The following PSEN2 variants were observed in gnomAD, a reference collection of about 807,000 sequenced individuals.
PSEN2 encodes the protein presenilin 2.
A neutral mutation model predicts 49.1 loss-of-function variants in PSEN2; 32 were observed. That is an observed-to-expected ratio of 0.65 (90% CI 0.49 to 0.88). The LOEUF (loss-of-function observed/expected upper bound fraction) is 0.88. PSEN2 is among the 40% of genes least tolerant of loss of function. The probability of loss-of-function intolerance (pLI) is 0.00; values close to 1 mark genes in which losing one functional copy is unlikely to be tolerated. For missense variants in PSEN2, 522 were observed against 586.9 expected (o/e 0.89, Z 1.14); for synonymous variants, 255 against 244.0 (o/e 1.05, Z -0.42).
chr1:226,878,988 G>A (rs1272257390), intron 3 of PSEN2, among the ~76,000 whole-genome samples: 1 of 152,124 alleles, frequency 6.6e-6, no homozygotes, highest in African/African-American at 2.4e-5. Context: ...ATCTAGTGAG[G>A]CTGAGCCAGA....
At chr1:226,897,288 T>C (rs1662182704), downstream of PSEN2, among the ~76,000 whole-genome samples, 1 of 152,190 alleles carries the variant, frequency 6.6e-6, no homozygotes, top group South Asian at 2.1e-4. Context: ...TTTCCAAAGA[T>C]GGGATTGGAC....
rs1357215918 is a variant in PSEN2, at chr1:226,891,812, A to C, written c.1040A>C (p.Tyr347Ser). Residue 347 changes from tyrosine to serine, a missense_variant, in exon 11 of 13, where the codon TAC (tyrosine) becomes TCC (serine). Coordinates refer to ENST00000366783, the MANE Select transcript of PSEN2 (RefSeq NM_000447.3). ...GTCTTTGAGCCTCCCTTGACTGGCT[A>C]CCCAGGGGAGGAGCTGGAGGAAGAG... ...PEVFEPPLTGYPGEELEEEEE... is the reference protein window; with the variant it reads ...PEVFEPPLTGSPGEELEEEEE... 1 of 1,613,978 alleles carries C rather than the reference A, an allele frequency of 6.2e-7. No individual in the cohort carries two copies. Among genetic ancestry groups the C allele is most frequent in the East Asian group, 2.2e-5 (1 of 44,892 alleles).
intron 3 of PSEN2, among the ~76,000 whole-genome samples, chr1:226,880,000 A>G (rs376721586): frequency 9.5e-4 from 144 of 152,338 alleles, no homozygotes; most frequent in African/African-American, 2.8e-3. Context: ...TGCTGTCTTC[A>G]GAAAGAAGGG....
At chr1:226,891,398 G>A in intron 10 of PSEN2, 37 bp downstream of exon 10, 12 of 1,558,096 alleles carry the variant, frequency 7.7e-6, no homozygotes, top group Non-Finnish European at 9.6e-6. Flanking sequence ...TCTCATCACT[G>A]GGGGGCAGCT....
At chr1:226,898,515 A>G (rs1237912073), downstream of PSEN2, 1 of 152,218 alleles carries the variant, frequency 6.6e-6, no homozygotes, top group Admixed American at 6.5e-5. Context: ...TGGTGTCATC[A>G]GACTTTTCAT....
At chr1:226,901,434 CA>C (rs71179182), downstream of PSEN2, among the ~76,000 whole-genome samples, 35,496 of 117,530 alleles carry the variant, frequency 0.3, 4,629 homozygotes, top group East Asian at 0.56. Flanking sequence ...GAAACTGTCT[CA>C]AAAAAAAAAA....
chr1:226,881,862 C>A, intron 3 of PSEN2, 26 bp from the exon 4 acceptor site: 3 of 1,614,122 alleles, frequency 1.9e-6, no homozygotes, highest in Non-Finnish European at 2.5e-6. Flanking sequence ...GAAAGTGGAA[C>A]AAGGTCCTTG....
At chr1:226,879,811 C>T (rs943726269) in intron 3 of PSEN2, among the ~76,000 whole-genome samples, 6 of 152,210 alleles carry the variant, frequency 3.9e-5, no homozygotes, top group Non-Finnish European at 5.9e-5. Context: ...CTTTGCTTCC[C>T]GCTGTTGTTA....
chr1:226,882,976 TTC>T (rs1661094207), intron 4 of PSEN2, among the ~76,000 whole-genome samples: 1 of 149,758 alleles, frequency 6.7e-6, no homozygotes. Context: ...ATTTGGCTTT[TTC>T]TTTAGCTGTT....
At chr1:226,893,139 C>T (rs947426305) in intron 11 of PSEN2, among the ~76,000 whole-genome samples, 6 of 152,188 alleles carry the variant, frequency 3.9e-5, no homozygotes, top group Admixed American at 6.5e-5. Flanking sequence ...ACTTGTTGCC[C>T]GGGCTGGTTT....
At chr1:226,882,277 G>C (rs1332313745) in intron 4 of PSEN2, among the ~76,000 whole-genome samples, 1 of 152,242 alleles carries the variant, frequency 6.6e-6, no homozygotes, top group Non-Finnish European at 1.5e-5. Flanking sequence ...GAAGGACGCT[G>C]TCCACTCTGC....
intron 10 of PSEN2, 50 bp downstream of exon 10, chr1:226,891,411 C>A (rs753847484): frequency 6.7e-7 from 1 of 1,485,212 alleles, no homozygotes; most frequent in Non-Finnish European, 9.3e-7. Context: ...GGGCAGCTCC[C>A]TACCTGCACC....
intron 4 of PSEN2, among the ~76,000 whole-genome samples, chr1:226,882,405 C>G (rs1661059917): frequency 1.3e-5 from 2 of 152,176 alleles, no homozygotes; most frequent in South Asian, 4.1e-4. Flanking sequence ...GCAGGGGAAG[C>G]ATTTTTTGGC....
intron 12 of PSEN2, among the ~76,000 whole-genome samples, chr1:226,894,650 A>G (rs1385432439): frequency 1.3e-5 from 2 of 152,322 alleles, no homozygotes; most frequent in East Asian, 1.9e-4. Context: ...ACGTGACCAG[A>G]TACACATAAT....
At chr1:226,896,405 TC>T (rs1662150279), downstream of PSEN2, among the ~76,000 whole-genome samples, 1 of 152,198 alleles carries the variant, frequency 6.6e-6, no homozygotes, top group Non-Finnish European at 1.5e-5. Flanking sequence ...ATCCAGTGGT[TC>T]CTTCAGCAAG....
chr1:226,891,766 G>T lies in PSEN2; in HGVS notation c.994G>T (p.Gly332Trp). Residue 332 changes from glycine (G) to tryptophan (W), a missense_variant, in exon 11 of 13, where the codon GGG becomes TGG. Physicochemically the swap from Gly to Trp is radical, Grantham distance 184. Coordinates refer to ENST00000366783, the MANE Select transcript of PSEN2 (RefSeq NM_000447.3). The part of the protein sequence containing the change: ...EMEEDSYDSF[G>W]EPSYPEVFEP... ...AGAAGAAGACTCCTATGACAGTTTT[G>T]GGGAGCCTTCATACCCCGAAGTCTT... The T allele has an allele frequency of 6.2e-7, 1 of 1,614,044 alleles. No individual in the cohort carries two copies. The highest frequency in any genetic ancestry group is 8.5e-7 in the Non-Finnish European group (1 of 1,179,950).
At chr1:226,883,981 G>T in intron 5 of PSEN2, 62 bp downstream of exon 5, 3 of 1,024,922 alleles carry the variant, frequency 2.9e-6, no homozygotes, top group East Asian at 2.9e-5. Context: ...GGGGTGGGGG[G>T]CGCAGCAGCC....
Position 226,894,080 on chromosome 1 carries a change from C to G in PSEN2, c.1146C>G (p.Ser382Arg), listed in dbSNP as rs760432548. ...TGGGCAAGGCGGCTGCCACGGGCAG[C>G]GGGGACTGGAATACCACGCTGGCCT... ...VLVGKAAATGSGDWNTTLACF... is the reference protein window; with the variant it reads ...VLVGKAAATGRGDWNTTLACF... Residue 382 changes from serine (S) to arginine (R), a missense_variant, in exon 12 of 13, where the codon AGC becomes AGG. Physicochemically the swap from Ser to Arg is moderately radical, Grantham distance 110. Transcript: ENST00000366783. The G allele has an allele frequency of 3.7e-6, 6 of 1,614,156 alleles. No individual in the cohort carries two copies. The highest frequency in any genetic ancestry group is 5.1e-6 in the Non-Finnish European group (6 of 1,180,000).
At chr1:226,874,034 G>A (rs972199589) in intron 2 of PSEN2, among the ~76,000 whole-genome samples, 10 of 152,174 alleles carry the variant, frequency 6.6e-5, no homozygotes, top group African/African-American at 1.9e-4. Context: ...ACCTACCTGG[G>A]CAAGTAGCAG....
Sources: gnomAD v4.1 joint callset for allele counts (sites outside exome capture counted in the v4.1 genomes callset) on GRCh38, gnomAD v4.1.1 for gene constraint, MANE v1.5 for transcripts, NCBI Gene and HGNC (gene_info 2026-07-23, HGNC 2026-07-21) for gene names.